Variants in LAMA2 observed in about 807,000 individuals in gnomAD.
LAMA2 encodes laminin subunit alpha 2.
A neutral mutation model predicts 364.8 loss-of-function variants in LAMA2; 269 were observed. The ratio of observed to expected loss-of-function variants is 0.74; its 90% CI spans 0.67 to 0.82. The LOEUF (loss-of-function observed/expected upper bound fraction) is 0.82, where lower values mean the gene tolerates loss of function less well. LAMA2 is among the 40% of genes least tolerant of loss of function. LAMA2 has a pLI of 0.00. For synonymous variants in LAMA2, 1,379 were observed against 1,370.6 expected, an observed-to-expected ratio of 1.01 and a Z score of -0.14; for missense variants, 3,807 against 3,873.2, an observed-to-expected ratio of 0.98 and a Z score of 0.45.
At chr6:129,221,328 T>C (rs1583281031) in intron 12 of LAMA2, among the ~76,000 whole-genome samples, 1 of 143,274 alleles carries the variant, frequency 7.0e-6, no homozygotes, top group Non-Finnish European at 1.5e-5. Context: ...GAACATATAA[T>C]TGAGAAAGCT....
chr6:129,332,262 C>G (rs1775699930), intron 29 of LAMA2, among the ~76,000 whole-genome samples: 1 of 152,138 alleles, frequency 6.6e-6, no homozygotes, highest in African/African-American at 2.4e-5. Context: ...ATTAATATTT[C>G]CTTTTCCCCT....
At chr6:129,043,461 AT>A (rs1396838617) in intron 1 of LAMA2, among the ~76,000 whole-genome samples, 1 of 151,946 alleles carries the variant, frequency 6.6e-6, no homozygotes, top group Non-Finnish European at 1.5e-5. Context: ...ACTGTGTTAC[AT>A]TTTTCAGTCA....
intron 1 of LAMA2, among the ~76,000 whole-genome samples, chr6:128,897,250 A>T (rs561406428): frequency 7.2e-5 from 11 of 152,338 alleles, no homozygotes; most frequent in Non-Finnish European, 1.5e-4. Flanking sequence ...GAGATTTCCT[A>T]TGAAAAGATT....
intron 3 of LAMA2, among the ~76,000 whole-genome samples, chr6:129,061,061 G>GTCTCA (rs1246821171): frequency 8.5e-5 from 13 of 152,302 alleles, no homozygotes; most frequent in African/African-American, 3.1e-4. Flanking sequence ...GAGAATGGCA[G>GTCTCA]GGCAAGCTAC....
chr6:129,319,247 A>G (rs1184107120), intron 27 of LAMA2, among the ~76,000 whole-genome samples: 3 of 152,216 alleles, frequency 2.0e-5, no homozygotes, highest in Non-Finnish European at 4.4e-5. Context: ...GTAAATTCAA[A>G]GCAATTTCAC....
intron 45 of LAMA2, among the ~76,000 whole-genome samples, chr6:129,449,074 A>T (rs1157002966): frequency 6.6e-6 from 1 of 152,246 alleles, no homozygotes; most frequent in African/African-American, 2.4e-5. Flanking sequence ...GGAAAAGACT[A>T]CTGATTATGT....
chr6:129,168,512 C>T (rs1485179734), intron 9 of LAMA2, among the ~76,000 whole-genome samples: 50 of 151,918 alleles, frequency 3.3e-4, no homozygotes, highest in African/African-American at 1.2e-3. Context: ...CTGTTCTGTT[C>T]CATTGATCTA....
At chr6:129,504,939 C>T (rs1785936434) in intron 60 of LAMA2, among the ~76,000 whole-genome samples, 1 of 152,228 alleles carries the variant, frequency 6.6e-6, no homozygotes, top group African/African-American at 2.4e-5. Context: ...ATTTGGCAAT[C>T]TACCGAGGAG....
Position 129,427,805 on chromosome 6 carries a change from A to G in LAMA2, c.5919A>G (p.Lys1973=). ...AAGATGCCAAAGGCTGTCTTCAGAAAAGCTTCAGGATTCTTAACGAAGCCA... is the reference window on the plus strand; with the variant it reads ...AAGATGCCAAAGGCTGTCTTCAGAAGAGCTTCAGGATTCTTAACGAAGCCA... ...LKEDAKGCLQ[K]SFRILNEAKK... Residue 1973 remains lysine, a synonymous_variant, in exon 41 of 65, where the codon AAA becomes AAG. Coordinates refer to ENST00000421865, the MANE Select transcript of LAMA2 (RefSeq NM_000426.4). The G allele has an allele frequency of 6.2e-7, 1 of 1,613,928 alleles. No homozygotes were observed. Among genetic ancestry groups the G allele is most frequent in the African/African-American group, 1.3e-5 (1 of 75,044 alleles).
At chr6:129,312,813 T>G (rs772291882) in intron 22 of LAMA2, 48 bp from the exon 23 acceptor site, 2 of 1,272,588 alleles carry the variant, frequency 1.6e-6, no homozygotes, top group African/African-American at 2.9e-5. Flanking sequence ...TTTTAAGATA[T>G]TTCCCATAAA....
chr6:129,172,145 T>A (rs1166349345), intron 9 of LAMA2, among the ~76,000 whole-genome samples: 6 of 151,766 alleles, frequency 4.0e-5, no homozygotes, highest in African/African-American at 1.5e-4. Context: ...TCAGAGTAAT[T>A]TGATCGTCTG....
At chr6:129,037,274 A>T (rs12201738) in intron 1 of LAMA2, among the ~76,000 whole-genome samples, 1 of 152,186 alleles carries the variant, frequency 6.6e-6, no homozygotes, top group Non-Finnish European at 1.5e-5. Flanking sequence ...ATGAAATAGC[A>T]GGATAAATAT....
chr6:128,931,023 C>G (rs866214120), intron 1 of LAMA2, among the ~76,000 whole-genome samples: 8 of 152,104 alleles, frequency 5.3e-5, no homozygotes, highest in Middle Eastern at 3.4e-3. Context: ...GAGGCTTTTT[C>G]TGGATCTCTG....
intron 15 of LAMA2, among the ~76,000 whole-genome samples, chr6:129,262,470 A>G (rs1562391144): frequency 6.6e-6 from 1 of 152,082 alleles, no homozygotes; most frequent in Non-Finnish European, 1.5e-5. Flanking sequence ...TAACAGATAG[A>G]TAGAAGCATT....
At chr6:129,242,303 A>C (rs1785443763) in intron 12 of LAMA2, among the ~76,000 whole-genome samples, 1 of 152,142 alleles carries the variant, frequency 6.6e-6, no homozygotes, top group Non-Finnish European at 1.5e-5. Flanking sequence ...TTAAAAAGAA[A>C]ATTGCATTGC....
chr6:129,046,027 G>A (rs1357188597), intron 1 of LAMA2, among the ~76,000 whole-genome samples: 1 of 152,224 alleles, frequency 6.6e-6, no homozygotes, highest in Non-Finnish European at 1.5e-5. Context: ...TAAGCTGGCT[G>A]TCTTTGAAGG....
rs11964429 is a variant in LAMA2, at chr6:129,407,171, A to C, written c.5865+3212A>C. On this transcript the variant is annotated intron_variant, in intron 40 of 64. Coordinates refer to ENST00000421865, the MANE Select transcript of LAMA2 (RefSeq NM_000426.4). ...TCTGCCTCTTCCAGTCCAGTGACTCAAATTTTAATCTCCTTTGGCAACACC... is the reference window on the plus strand; with the variant it reads ...TCTGCCTCTTCCAGTCCAGTGACTCCAATTTTAATCTCCTTTGGCAACACC... Among the ~76,000 whole-genome samples, 100 of 152,254 alleles carry C rather than the reference A, an allele frequency of 6.6e-4. 1 individual carries two copies. Among genetic ancestry groups the C allele is most frequent in the African/African-American group, 2.3e-3 (96 of 41,528 alleles).
At chr6:129,395,427 C>G (rs1779560231) in intron 37 of LAMA2, among the ~76,000 whole-genome samples, 1 of 152,124 alleles carries the variant, frequency 6.6e-6, no homozygotes, top group Non-Finnish European at 1.5e-5. Flanking sequence ...GATGAGCCCC[C>G]TTAGAGCAGC....
chr6:129,187,200 C>T (rs188020536), intron 10 of LAMA2, among the ~76,000 whole-genome samples: 3 of 151,572 alleles, frequency 2.0e-5, no homozygotes, highest in East Asian at 1.9e-4. Context: ...TGACAATGGT[C>T]GATGAGTCAC....
Sources: gnomAD v4.1 joint callset for allele counts (sites outside exome capture counted in the v4.1 genomes callset) on GRCh38, gnomAD v4.1.1 for gene constraint, MANE v1.5 for transcripts, NCBI Gene and HGNC (gene_info 2026-07-23, HGNC 2026-07-21) for gene names.